ANXA4: variants seen among roughly 807,000 people sequenced by gnomAD.
The protein encoded by ANXA4 is annexin A4, also known as 35-beta calcimedin.
A neutral mutation model predicts 49.8 loss-of-function variants in ANXA4; 39 were observed. The observed-to-expected ratio is 0.78, with a 90% confidence interval of 0.61 to 1.02. ANXA4 has a LOEUF of 1.02. Among genes scored for constraint, ANXA4 ranks in the 50% least tolerant of loss-of-function variants. The pLI is 0.00. For synonymous variants in ANXA4, 134 were observed against 152.5 expected (o/e 0.88, Z 0.89); for missense variants, 360 against 410.1 (o/e 0.88, Z 1.05).
chr2:69,742,423 G>A (rs1670432967), intron 1 of ANXA4, among the ~76,000 whole-genome samples: 2 of 152,226 alleles, frequency 1.3e-5, no homozygotes, highest in South Asian at 4.1e-4. Flanking sequence ...GACATCCAGG[G>A]CCGCTTACAC....
chr2:69,769,793 G>A (rs1314744865), intron 1 of ANXA4, among the ~76,000 whole-genome samples: 1 of 152,170 alleles, frequency 6.6e-6, no homozygotes, highest in African/African-American at 2.4e-5. Context: ...CTCCCGGGTA[G>A]CTGGGATTAC....
intron 1 of ANXA4, among the ~76,000 whole-genome samples, chr2:69,651,271 T>C (rs541432603): frequency 6.6e-6 from 1 of 152,300 alleles, no homozygotes. Context: ...CTTGGGAGAA[T>C]GAGGCGAGAG....
chr2:69,790,887 A>C (rs905758123), intron 3 of ANXA4, among the ~76,000 whole-genome samples: 1 of 152,240 alleles, frequency 6.6e-6, no homozygotes, highest in African/African-American at 2.4e-5. Flanking sequence ...AAGTCTTAAA[A>C]CATAATTTCT....
At chr2:69,716,997 A>T (rs1669658286) in intron 2 of ANXA4, among the ~76,000 whole-genome samples, 1 of 152,198 alleles carries the variant, frequency 6.6e-6, no homozygotes, top group Non-Finnish European at 1.5e-5. Flanking sequence ...CTGTGGCAAG[A>T]CAAAACAGAT....
chr2:69,820,744 C>G lies in ANXA4; in HGVS notation c.829C>G (p.Arg277Gly), dbSNP rs1220625716. The G allele has an allele frequency of 1.2e-6, 2 of 1,613,930 alleles. No individual in the cohort carries two copies. The highest frequency in any genetic ancestry group is 1.7e-5 in the Admixed American group (1 of 59,984). Residue 277 changes from arginine to glycine, a missense_variant, in exon 12 of 13, where the codon CGA becomes GGA. Coordinates refer to ENST00000394295, the MANE Select transcript of ANXA4 (RefSeq NM_001153.5). ...CACCCTCATCAGAGTGATGGTTTCT[C>G]GAGCAGAAATTGACATGTTGGATAT... is the stretch of plus-strand genomic sequence containing the variant. ...DNTLIRVMVS[R>G]AEIDMLDIRA... is the part of the protein sequence containing the mutation.
At chr2:69,745,230 G>A (rs1189635856) in intron 1 of ANXA4, among the ~76,000 whole-genome samples, 5 of 152,208 alleles carry the variant, frequency 3.3e-5, no homozygotes, top group Non-Finnish European at 5.9e-5. Flanking sequence ...TGGCAGAGCT[G>A]GGTGGTGGGC....
intron 2 of ANXA4, among the ~76,000 whole-genome samples, chr2:69,683,174 A>G (rs975508904): frequency 1.3e-5 from 2 of 152,250 alleles, no homozygotes; most frequent in Admixed American, 6.5e-5. Context: ...ACATATGTCA[A>G]TAAACATATA....
intron 1 of ANXA4, among the ~76,000 whole-genome samples, chr2:69,652,817 C>T (rs1676301705): frequency 6.6e-6 from 1 of 152,136 alleles, no homozygotes; most frequent in Non-Finnish European, 1.5e-5. Flanking sequence ...CCAGACAGTG[C>T]CACTGCACCC....
intron 9 of ANXA4, chr2:69,816,908 T>C (rs1319827337): frequency 1.3e-5 from 2 of 152,176 alleles, no homozygotes; most frequent in Admixed American, 6.5e-5. Flanking sequence ...GCAAAGCTTG[T>C]GGGAAATTTG....
chr2:69,715,196 GT>G (rs1359043075), intron 2 of ANXA4, among the ~76,000 whole-genome samples: 1 of 152,048 alleles, frequency 6.6e-6, no homozygotes, highest in African/African-American at 2.4e-5. Context: ...ATCATGGTTT[GT>G]TTTTTATTTT....
chr2:69,778,698 C>T (rs35686743), intron 1 of ANXA4, among the ~76,000 whole-genome samples: 28,328 of 149,298 alleles, frequency 0.19, 3,080 homozygotes, highest in East Asian at 0.34. Context: ...TCACTTGAAC[C>T]CGGGAGGCGG....
chr2:69,677,237 A>G lies in ANXA4; in HGVS notation n.766+23955A>G, dbSNP rs72899466. On this transcript the variant is annotated intron_variant and non_coding_transcript_variant, in intron 2 of 3. Transcript: ENST00000418066. ...GTTATTAAAGGTTCTTCATAAATAT[A>G]TAATTTTTTTTGAGACAGAGTCTCA... Among the ~76,000 whole-genome samples, 1,442 of 152,204 alleles carry G rather than the reference A, an allele frequency of 9.5e-3. 25 individuals are homozygous for G. The highest frequency in any genetic ancestry group is 0.012 in the African/African-American group (519 of 41,534).
In ANXA4 at chr2:69,804,580, G is replaced by A. The variant is rs537770670; in HGVS notation, c.145G>A (p.Ala49Thr). ...TAGCGTCCTTGCCTACCGCAACACC[G>A]CCCAGCGCCAGGAGATCAGGACAGC... The part of the protein sequence containing the change: ...IISVLAYRNT[A>T]QRQEIRTAYK... Residue 49 changes from alanine (A) to threonine (T), a missense_variant, in exon 4 of 13, where the codon GCC (alanine) becomes ACC (threonine). Physicochemically the swap from Ala to Thr is moderately conservative, Grantham distance 58. Coordinates refer to ENST00000394295, the MANE Select transcript of ANXA4 (RefSeq NM_001153.5). 17 of 1,613,780 alleles carry A rather than the reference G, an allele frequency of 1.1e-5. No individual in the cohort carries two copies. The highest frequency in any genetic ancestry group is 6.7e-5 in the East Asian group (3 of 44,838).
chr2:69,690,736 T>G (rs1677936444), intron 2 of ANXA4, among the ~76,000 whole-genome samples: 1 of 152,240 alleles, frequency 6.6e-6, no homozygotes, highest in African/African-American at 2.4e-5. Flanking sequence ...AGGAGTTCAT[T>G]TAAAGGTAAT....
chr2:69,653,829 T>G (rs1676340235), intron 2 of ANXA4, among the ~76,000 whole-genome samples: 2 of 152,192 alleles, frequency 1.3e-5, no homozygotes, highest in Admixed American at 1.3e-4. Flanking sequence ...AGAAAGCCAA[T>G]GGAAGCTTGA....
At chr2:69,705,403 A>C (rs1165882651) in intron 2 of ANXA4, among the ~76,000 whole-genome samples, 2 of 152,196 alleles carry the variant, frequency 1.3e-5, no homozygotes. Context: ...TTTTTCTACA[A>C]TGAATATGTG....
chr2:69,706,157 TTTTTGTTTTGA>T (rs1011839649), intron 2 of ANXA4, among the ~76,000 whole-genome samples: 6 of 151,668 alleles, frequency 4.0e-5, no homozygotes, highest in Non-Finnish European at 8.8e-5. Context: ...AAGACTCTGG[TTTTTGTTTTGA>T]TTTTGGTTTG....
intron 2 of ANXA4, chr2:69,674,226 C>G (rs1261962998): frequency 1.3e-5 from 2 of 152,194 alleles, no homozygotes; most frequent in African/African-American, 2.4e-5. Flanking sequence ...CTTAGGCAAC[C>G]TGGCCCGTTT....
At chr2:69,774,950 T>A (rs913376945) in intron 1 of ANXA4, among the ~76,000 whole-genome samples, 2 of 152,204 alleles carry the variant, frequency 1.3e-5, no homozygotes, top group African/African-American at 4.8e-5. Context: ...GGGTCCTGCA[T>A]CAACCCAAAC....
Sources: allele counts gnomAD v4.1 joint callset (sites outside exome capture counted in the v4.1 genomes callset), GRCh38; gene constraint gnomAD v4.1.1; transcripts MANE v1.5; gene names NCBI Gene and HGNC (gene_info 2026-07-23, HGNC 2026-07-21).